Variants in MAX observed in about 807,000 individuals in gnomAD.
The protein encoded by MAX is MYC associated transcriptional regulator X.
In MAX, 3 loss-of-function variants were observed where a neutral mutation model predicts 22.3. The ratio of observed to expected loss-of-function variants is 0.13; its 90% CI spans 0.06 to 0.35. The LOEUF (loss-of-function observed/expected upper bound fraction) is 0.35. Among genes scored for constraint, MAX ranks in the 10% least tolerant of loss-of-function variants. The probability of loss-of-function intolerance (pLI) is 1.00; values close to 1 mark genes in which losing one functional copy is unlikely to be tolerated. For missense variants in MAX, 119 were observed against 209.4 expected (o/e 0.57, Z 2.66); for synonymous variants, 72 against 77.7 (o/e 0.93, Z 0.39).
At chr14:65,064,151 GTAT>G (rs1348510550) in intron 3 of MAX, among the ~76,000 whole-genome samples, 5 of 152,078 alleles carry the variant, frequency 3.3e-5, no homozygotes, top group African/African-American at 1.2e-4. Flanking sequence ...TCCCTTCTTG[GTAT>G]TATTGAGCAT....
At chr14:65,102,219 C>T (rs1261104718) in intron 1 of MAX, 85 bp downstream of exon 1, 7 of 1,587,606 alleles carry the variant, frequency 4.4e-6, no homozygotes, top group Non-Finnish European at 6.0e-6. Flanking sequence ...CAGCCCGGCC[C>T]CCTCCCGCCG....
In MAX at chr14:65,023,968, G is replaced by A. The variant is rs553434153; in HGVS notation, c.172-17684C>T. Among the ~76,000 whole-genome samples, 58 of 152,154 alleles carry A rather than the reference G, an allele frequency of 3.8e-4. 1 individual carries two copies. The highest frequency in any genetic ancestry group is 1.6e-3 in the Admixed American group (25 of 15,272). ...AATACAAAAATTAGCTGGGCGTGGC[G>A]GCATGCACCTGTAGTCCCAGCTACT... On this transcript the variant is annotated intron_variant, in intron 3 of 3. Transcript: ENST00000341653. This position sits in a 1 kb window ranked among gnomAD's most constrained non-coding sequence, Gnocchi z 4.1.
At chr14:65,038,437 C>T (rs1213363006) in intron 3 of MAX, among the ~76,000 whole-genome samples, 4 of 150,008 alleles carry the variant, frequency 2.7e-5, no homozygotes, top group Admixed American at 2.7e-4. Context: ...AAAAATAATA[C>T]TGCCGGGTGC....
rs116067182 is a variant in MAX, at chr14:65,011,903, C to T, written c.172-5619G>A. 6.9e-3 allele frequency among the ~76,000 whole-genome samples: 1,043 copies of T among 152,084 alleles called. 12 individuals are homozygous for T. The highest frequency in any genetic ancestry group is 0.023 in the African/African-American group (959 of 41,460). On this transcript the variant is annotated intron_variant, in intron 3 of 3. Coordinates refer to the MAX transcript ENST00000341653. This position sits in a 1 kb window ranked among gnomAD's most constrained non-coding sequence, Gnocchi z 4.0. Reference sequence around the variant, plus strand: ...CCAGACGGGGTGACTGAAATGACAGCGGCTGAGGCAGGGAAGTGGCGAGGC... The same window carrying T: ...CCAGACGGGGTGACTGAAATGACAGTGGCTGAGGCAGGGAAGTGGCGAGGC...
chr14:65,017,050 G>A (rs559970388), intron 3 of MAX, among the ~76,000 whole-genome samples: 1 of 151,938 alleles, frequency 6.6e-6, no homozygotes, highest in Non-Finnish European at 1.5e-5. Context: ...AGCCTCCTGA[G>A]TAGCTGGGAT....
At chr14:65,072,386 C>T (rs896543344), downstream of MAX, among the ~76,000 whole-genome samples, 3 of 152,164 alleles carry the variant, frequency 2.0e-5, no homozygotes, top group African/African-American at 4.8e-5. Context: ...GCTGGGAGCA[C>T]GTAGACTCAT....
At chr14:65,058,290 TAC>T (rs2062787405) in intron 3 of MAX, among the ~76,000 whole-genome samples, 1 of 152,110 alleles carries the variant, frequency 6.6e-6, no homozygotes, top group South Asian at 2.1e-4. Flanking sequence ...ATGTCTAATT[TAC>T]AGTTTTCATG....
chr14:65,007,895 G>A lies in MAX; in HGVS notation c.172-1611C>T, dbSNP rs769484012. 3.3e-5 allele frequency among the ~76,000 whole-genome samples: 5 copies of A among 152,186 alleles called. No individual in the cohort carries two copies. The highest frequency in any genetic ancestry group is 7.3e-5 in the Non-Finnish European group (5 of 68,036). On this transcript the variant is annotated intron_variant, in intron 3 of 3. Coordinates refer to the MAX transcript ENST00000341653. The surrounding 1 kb of genome is among the most constrained non-coding windows in gnomAD (Gnocchi z 4.9). The stretch of plus-strand genomic sequence containing the variant: ...CTCAGAAGTGAGAAATATTGATAAT[G>A]TCCCTGTGCTAATAGAGCCCTGGAG...
Position 65,027,657 on chromosome 14 carries a change from CACTG to C in MAX, c.172-21377_172-21374del. The C allele has an allele frequency of 6.2e-7, 1 of 1,614,150 alleles. No individual in the cohort carries two copies. The highest frequency in any genetic ancestry group is 8.5e-7 in the Non-Finnish European group (1 of 1,179,986). ...GAGGAGTTCCCCGCCTGCTGACACG[CACTG>C]ACTGTTGCCTCTCCTACCTCTTTCC... On this transcript the variant is annotated intron_variant, in intron 3 of 3. Transcript: ENST00000341653. This position sits in a 1 kb window ranked among gnomAD's most constrained non-coding sequence, Gnocchi z 5.7.
rs1222386202 is a variant in MAX at position 65,062,228 on chromosome 14, CCAAGAGTATTAACACTACT to C, written c.171+31461_171+31479del. The C allele has an allele frequency of 1.3e-5, 2 of 152,290 alleles. No homozygotes were observed. 9.4% of individuals were successfully genotyped at this position (152,290 alleles called of 1,614,324 possible). On this transcript the variant is annotated intron_variant, in intron 3 of 3. Coordinates refer to the MAX transcript ENST00000341653. The surrounding 1 kb of genome is among the most constrained non-coding windows in gnomAD (Gnocchi z 4.3). ...TCCAAGACTGTGTTGTCTTTTCTCA[CCAAGAGTATTAACACTACT>C]AAGTCTTTCACCTTAACTTATGACT... is the stretch of plus-strand genomic sequence containing the variant.
In MAX at chr14:65,096,694, C is replaced by T. The variant is rs373789813; in HGVS notation, c.64-2879G>A. ...GTGTAAGGCATCTAATATCCTCCCC[C>T]AAATGCAAAACTGGTTTTAAAAAAC... On this transcript the variant is annotated intron_variant, in intron 2 of 4. Coordinates refer to ENST00000358664, the MANE Select transcript of MAX (RefSeq NM_002382.5). Among the ~76,000 whole-genome samples the T allele has an allele frequency of 1.1e-3, 169 of 152,186 alleles. 3 individuals are homozygous for T. Among genetic ancestry groups the T allele is most frequent in the African/African-American group, 3.9e-3 (160 of 41,534 alleles).
chr14:65,008,211 C>T (rs2061626316), intron 3 of MAX, among the ~76,000 whole-genome samples: 1 of 152,194 alleles, frequency 6.6e-6, no homozygotes, highest in African/African-American at 2.4e-5. Flanking sequence ...TAGAAAGTCC[C>T]CAGGAACCAG....
intron 3 of MAX, among the ~76,000 whole-genome samples, chr14:65,087,358 G>A (rs888691615): frequency 1.3e-5 from 2 of 152,182 alleles, no homozygotes; most frequent in Non-Finnish European, 2.9e-5. Context: ...ATCTTGCACT[G>A]TGCACCTGGA....
At chr14:65,094,989 T>C (rs1011289538) in intron 2 of MAX, among the ~76,000 whole-genome samples, 2 of 152,100 alleles carry the variant, frequency 1.3e-5, no homozygotes, top group African/African-American at 4.8e-5. Flanking sequence ...GGAACAAGAG[T>C]AAATAACTTG....
In MAX at chr14:65,029,490, G is replaced by C. The variant is rs1043147732; in HGVS notation, c.172-23206C>G. On this transcript the variant is annotated intron_variant, in intron 3 of 3. Coordinates refer to the MAX transcript ENST00000341653. This position sits in a 1 kb window ranked among gnomAD's most constrained non-coding sequence, Gnocchi z 4.7. Reference sequence around the variant, plus strand: ...AGTTTCAGAGATGAGCCTACTCAAGGGTCTGTAGTTCCAGTGTATTGTAAA... The same window carrying C: ...AGTTTCAGAGATGAGCCTACTCAAGCGTCTGTAGTTCCAGTGTATTGTAAA... Among the ~76,000 whole-genome samples, 5 of 152,164 alleles carry C rather than the reference G, an allele frequency of 3.3e-5. No individual in the cohort carries two copies. The highest frequency in any genetic ancestry group is 2.6e-4 in the Admixed American group (4 of 15,278).
chr14:65,049,472 T>C (rs1406674197), intron 3 of MAX, among the ~76,000 whole-genome samples: 6 of 152,222 alleles, frequency 3.9e-5, no homozygotes, highest in Non-Finnish European at 5.9e-5. Context: ...TGTGCAGTTA[T>C]CACCCTATAA....
intron 3 of MAX, among the ~76,000 whole-genome samples, chr14:65,067,135 T>C (rs902507772): frequency 6.7e-6 from 1 of 149,354 alleles, no homozygotes; most frequent in African/African-American, 2.5e-5. Flanking sequence ...CAGTAAGCCA[T>C]GATTATGCCA....
rs1337140328 is a variant in MAX, at chr14:65,075,938, G to A, written c.*538C>T. 2.9e-5 allele frequency: 31 copies of A among 1,069,872 alleles called. No homozygotes were observed. The highest frequency in any genetic ancestry group is 1.0e-4 in the Admixed American group (2 of 19,726). The allele number at this position is 1,069,872 out of a possible 1,614,324, so 66.3% of individuals were successfully genotyped here. On this transcript the variant is annotated 3_prime_UTR_variant, in exon 5 of 5. Coordinates refer to ENST00000358664, the MANE Select transcript of MAX (RefSeq NM_002382.5). This position sits in a 1 kb window ranked among gnomAD's most constrained non-coding sequence, Gnocchi z 4.1. Reference sequence around the variant, plus strand: ...AAGGATCTGGTCTTTCAATAGGAGCGATACATAGCTTTTTAGAAAAAGGAA... The same window carrying A: ...AAGGATCTGGTCTTTCAATAGGAGCAATACATAGCTTTTTAGAAAAAGGAA...
intron 2 of MAX, among the ~76,000 whole-genome samples, chr14:65,094,380 T>A (rs527612290): frequency 6.6e-6 from 1 of 152,344 alleles, no homozygotes; most frequent in East Asian, 1.9e-4. Flanking sequence ...CTATAAAACC[T>A]AGATGCATGA....
Sources: allele counts gnomAD v4.1 joint callset (sites outside exome capture counted in the v4.1 genomes callset), GRCh38; gene constraint gnomAD v4.1.1; non-coding constraint Gnocchi (gnomAD v3.1); transcripts MANE v1.5; gene names NCBI Gene and HGNC (gene_info 2026-07-23, HGNC 2026-07-21).